FAM149B1: variants seen among roughly 807,000 people sequenced by gnomAD.
FAM149B1 encodes the protein primary cilium assembly protein FAM149B1.
Under a neutral mutation model 75.3 loss-of-function variants are expected in FAM149B1, and 56 were observed. The observed-to-expected ratio is 0.74, with a 90% CI of 0.60 to 0.93. The LOEUF is 0.93. FAM149B1 is among the 40% of genes least tolerant of loss of function. FAM149B1 has a pLI of 0.00. For missense variants in FAM149B1, 639 were observed against 708.4 expected (o/e 0.90, Z 1.11); for synonymous variants, 259 against 256.1 (o/e 1.01, Z -0.11).
chr10:73,238,346 T>TC (rs2043869124), intron 12 of FAM149B1, among the ~76,000 whole-genome samples: 1 of 151,802 alleles, frequency 6.6e-6, no homozygotes, highest in Non-Finnish European at 1.5e-5. Flanking sequence ...GAAGACTCTG[T>TC]CCCCCCACAA....
chr10:73,206,056 C>T (rs547446398), intron 5 of FAM149B1, among the ~76,000 whole-genome samples: 50 of 152,214 alleles, frequency 3.3e-4, no homozygotes, highest in African/African-American at 1.2e-3. Flanking sequence ...TGGTTGTGAC[C>T]AAAATGCTAA....
intron 5 of FAM149B1, among the ~76,000 whole-genome samples, chr10:73,195,864 C>T (rs2042792433): frequency 6.6e-6 from 1 of 152,050 alleles, no homozygotes. Context: ...TTAGAAGAAA[C>T]AAATTATCCA....
intron 2 of FAM149B1, 132 bp downstream of exon 2, chr10:73,174,923 C>A: frequency 1.7e-6 from 1 of 605,282 alleles, no homozygotes; most frequent in Non-Finnish European, 3.0e-6. Flanking sequence ...GTTCTCAGTA[C>A]CATTTAGTTT....
chr10:73,168,264 A>T lies in FAM149B1; in HGVS notation c.-76A>T. 2 of 1,501,436 alleles carry T rather than the reference A, an allele frequency of 1.3e-6. No individual in the cohort carries two copies. 93.0% of individuals were successfully genotyped at this position (1,501,436 alleles called of 1,614,324 possible). Reference sequence around the variant, plus strand: ...CCGGGCCGGAGCCGGCGGGAGGGCCAGGCCCGGAGGCCCCCACCCTGGCGT... The same window carrying T: ...CCGGGCCGGAGCCGGCGGGAGGGCCTGGCCCGGAGGCCCCCACCCTGGCGT... On this transcript the variant is annotated 5_prime_UTR_variant, in exon 1 of 14. Coordinates refer to ENST00000242505, the MANE Select transcript of FAM149B1 (RefSeq NM_173348.2).
intron 5 of FAM149B1, among the ~76,000 whole-genome samples, chr10:73,198,209 A>G (rs904741156): frequency 2.6e-5 from 4 of 152,222 alleles, no homozygotes; most frequent in Admixed American, 1.3e-4. Flanking sequence ...ATTAACTCAA[A>G]ATAGATCAAA....
At chr10:73,195,302 G>A (rs2042777030) in intron 5 of FAM149B1, among the ~76,000 whole-genome samples, 1 of 152,062 alleles carries the variant, frequency 6.6e-6, no homozygotes, top group Non-Finnish European at 1.5e-5. Context: ...ACTGATTTTT[G>A]GTCAGATAAT....
chr10:73,239,240 T>G, intron 12 of FAM149B1, 72 bp from the exon 13 acceptor site: 1 of 1,320,854 alleles, frequency 7.6e-7, no homozygotes, highest in Non-Finnish European at 1.1e-6. Context: ...AAGGTGTTCC[T>G]GTGAACCTGC....
In FAM149B1 at chr10:73,243,504, G is replaced by A. The variant is rs753627085; in HGVS notation, c.*2485G>A. 27 of 1,613,810 alleles carry A rather than the reference G, an allele frequency of 1.7e-5. No homozygotes were observed. The highest frequency in any genetic ancestry group is 2.2e-5 in the Non-Finnish European group (26 of 1,180,014). ...AGAAAATTGTCCATTTCCTTTTGCCGATCCTTTTGTCTGCTCTGTTTGAGA... is the reference window on the plus strand; with the variant it reads ...AGAAAATTGTCCATTTCCTTTTGCCAATCCTTTTGTCTGCTCTGTTTGAGA... On this transcript the variant is annotated 3_prime_UTR_variant, in exon 14 of 14. Coordinates refer to ENST00000242505, the MANE Select transcript of FAM149B1 (RefSeq NM_173348.2).
chr10:73,170,519 TAAATAA>T (rs1428651325), intron 1 of FAM149B1, among the ~76,000 whole-genome samples: 2 of 141,762 alleles, frequency 1.4e-5, no homozygotes, highest in African/African-American at 2.9e-5. Context: ...AATAAATAAA[TAAATAA>T]AAATAAGAAT....
At chr10:73,205,842 G>A (rs748662252) in intron 5 of FAM149B1, among the ~76,000 whole-genome samples, 2 of 152,086 alleles carry the variant, frequency 1.3e-5, no homozygotes, top group East Asian at 1.9e-4. Context: ...GTGAGCCACC[G>A]CACCTGGCTA....
intron 9 of FAM149B1, chr10:73,231,430 T>G (rs541266160): frequency 6.6e-6 from 1 of 152,192 alleles, no homozygotes; most frequent in Non-Finnish European, 1.5e-5. Context: ...AGTTGTACCA[T>G]TTTACACTCC....
rs146199028 is a variant in FAM149B1 at position 73,240,523 on chromosome 10, T to C, written c.1676-423T>C. Among the ~76,000 whole-genome samples, 691 of 152,120 alleles carry C rather than the reference T, an allele frequency of 4.5e-3. 1 individual carries two copies. Among genetic ancestry groups the C allele is most frequent in the Admixed American group, 7.0e-3 (107 of 15,278 alleles). ...GTCAGCATATTGAGACCATCCTGGC[T>C]AACATGGTGAAACCCCATCTCTACT... On this transcript the variant is annotated intron_variant, in intron 13 of 13. Coordinates refer to ENST00000242505, the MANE Select transcript of FAM149B1 (RefSeq NM_173348.2).
At chr10:73,173,139 A>G (rs1215699340) in intron 1 of FAM149B1, among the ~76,000 whole-genome samples, 1 of 151,976 alleles carries the variant, frequency 6.6e-6, no homozygotes, top group Non-Finnish European at 1.5e-5. Context: ...ATAAAAGTGA[A>G]ATTTTTTTAC....
intron 12 of FAM149B1, among the ~76,000 whole-genome samples, chr10:73,237,391 G>A (rs1254154837): frequency 2.0e-5 from 3 of 151,992 alleles, no homozygotes; most frequent in African/African-American, 7.3e-5. Flanking sequence ...AGTACTTGAT[G>A]ATTATATTAC....
Position 73,230,513 on chromosome 10 carries a change from T to C in FAM149B1, c.1115T>C (p.Met372Thr), listed in dbSNP as rs1216238316. 6.6e-6 allele frequency: 10 copies of C among 1,511,672 alleles called. No individual in the cohort carries two copies. The highest frequency in any genetic ancestry group is 1.2e-5 in the South Asian group (1 of 83,278). The allele number at this position is 1,511,672 out of a possible 1,614,324, so 93.6% of individuals were successfully genotyped here. The change falls in exon 9 of 14, where the codon ATG becomes ACG. Residue 372 changes from methionine to threonine, a missense_variant. By Grantham distance (81) the Met-to-Thr change is moderately conservative. Coordinates refer to ENST00000242505, the MANE Select transcript of FAM149B1 (RefSeq NM_173348.2). ...CTACAGCCAAGAAATCTCTCCCTAA[T>C]GGACAAGCTCCTGTAAGAAGTTCAA... The part of the protein sequence containing the change: ...MPLQPRNLSL[M>T]DKLLDLDDKL...
rs149561923 is a variant in FAM149B1 at position 73,210,204 on chromosome 10, C to T, written c.711-47C>T. Reference sequence around the variant, plus strand: ...TACACAGACAATTTTAGAAAGGCAGCCTTCCCTTCAGCATCATGAAGTCTT... The same window carrying T: ...TACACAGACAATTTTAGAAAGGCAGTCTTCCCTTCAGCATCATGAAGTCTT... On this transcript the variant is annotated intron_variant, in intron 6 of 13. Coordinates refer to ENST00000242505, the MANE Select transcript of FAM149B1 (RefSeq NM_173348.2). 1.2e-4 allele frequency: 155 copies of T among 1,327,990 alleles called. 1 individual carries two copies. The African/African-American group carries it at 2.1e-3, about 18-fold the overall frequency. The allele number at this position is 1,327,990 out of a possible 1,614,324, so 82.3% of individuals were successfully genotyped here. A position where few individuals can be genotyped will look rare whatever the true frequency, so the allele number is the denominator to read the frequency against.
intron 5 of FAM149B1, among the ~76,000 whole-genome samples, chr10:73,208,210 TCCC>T (rs2043110072): frequency 6.6e-6 from 1 of 152,124 alleles, no homozygotes; most frequent in Admixed American, 6.5e-5. Flanking sequence ...CACTTAACAT[TCCC>T]CCATGAGTAA....
rs190204574 is a variant in FAM149B1, at chr10:73,197,250, A to G, written c.542+3657A>G. The stretch of plus-strand genomic sequence containing the variant: ...ACTCCTGGGCTCAAGTGATTTGCCC[A>G]CCTTGGCTTCCCAAAGTGCTGGGAT... On this transcript the variant is annotated intron_variant, in intron 5 of 13. Transcript: ENST00000242505. Among the ~76,000 whole-genome samples, 102 of 152,192 alleles carry G rather than the reference A, an allele frequency of 6.7e-4. 1 individual carries two copies. Among genetic ancestry groups the G allele is most frequent in the Admixed American group, 1.7e-3 (26 of 15,272 alleles).
At chr10:73,220,707 T>A (rs2043392993) in intron 7 of FAM149B1, among the ~76,000 whole-genome samples, 1 of 152,086 alleles carries the variant, frequency 6.6e-6, no homozygotes, top group East Asian at 1.9e-4. Flanking sequence ...CTGGTGTCCT[T>A]GTAAGAAGAG....
Sources: allele counts gnomAD v4.1 joint callset (sites outside exome capture counted in the v4.1 genomes callset), GRCh38; gene constraint gnomAD v4.1.1; transcripts MANE v1.5; gene names NCBI Gene and HGNC (gene_info 2026-07-23, HGNC 2026-07-21).